Variants in IFT81 observed in about 807,000 individuals in gnomAD.
IFT81 encodes intraflagellar transport protein 81 homolog.
In IFT81, 72 loss-of-function variants were observed where a neutral mutation model predicts 102.6. The observed-to-expected ratio is 0.70, with a 90% CI of 0.58 to 0.85. IFT81 has a LOEUF of 0.85. Among genes scored for constraint, IFT81 ranks in the 40% least tolerant of loss-of-function variants. The probability of loss-of-function intolerance (pLI) is 0.00; values close to 1 mark genes in which losing one functional copy is unlikely to be tolerated. For missense variants in IFT81, 723 were observed against 787.3 expected (o/e 0.92, Z 0.98); for synonymous variants, 237 against 242.7 (o/e 0.98, Z 0.22).
At chr12:110,205,044 G>A in intron 15 of IFT81, 1 of 156,740 alleles carries the variant, frequency 6.4e-6, no homozygotes, top group Non-Finnish European at 1.4e-5. Context: ...GATCAGCCTG[G>A]CCAACCCGGT....
chr12:110,217,977 G>A (rs1222842804), intron 18 of IFT81, 67 bp from the exon 19 acceptor site: 25 of 1,113,828 alleles, frequency 2.2e-5, no homozygotes, highest in Admixed American at 7.3e-5. Flanking sequence ...ATATTCCTCC[G>A]ACTATAGCAA....
At chr12:110,153,720 C>T (rs1477921781) in intron 10 of IFT81, among the ~76,000 whole-genome samples, 6 of 150,550 alleles carry the variant, frequency 4.0e-5, no homozygotes, top group Non-Finnish European at 8.9e-5. Context: ...AAGTGATTCT[C>T]CTGCCTCAGC....
intron 18 of IFT81, among the ~76,000 whole-genome samples, chr12:110,210,818 G>A (rs945388549): frequency 1.7e-4 from 26 of 151,584 alleles, no homozygotes; most frequent in African/African-American, 6.3e-4. Context: ...AATAACAATT[G>A]GATGTTAACA....
At chr12:110,197,806 G>A (rs1167986068) in intron 14 of IFT81, among the ~76,000 whole-genome samples, 5 of 151,966 alleles carry the variant, frequency 3.3e-5, no homozygotes, top group Non-Finnish European at 7.4e-5. Flanking sequence ...TCCGCCTCCT[G>A]GGTTCAAGCA....
chr12:110,171,931 A>G (rs1164926924), intron 11 of IFT81: 2 of 152,222 alleles, frequency 1.3e-5, no homozygotes, highest in Admixed American at 6.5e-5. Context: ...CCTTGGGCCA[A>G]TTCCTGTAGT....
intron 14 of IFT81, among the ~76,000 whole-genome samples, chr12:110,195,412 T>C (rs770315327): frequency 1.3e-5 from 2 of 152,198 alleles, no homozygotes; most frequent in Non-Finnish European, 2.9e-5. Context: ...ATTGTCTTAG[T>C]GTTTGCCGTT....
intron 18 of IFT81, among the ~76,000 whole-genome samples, chr12:110,215,290 A>AT (rs1285502022): frequency 7.3e-5 from 11 of 150,818 alleles, no homozygotes; most frequent in Admixed American, 3.3e-4. Context: ...CCTCTTGGTG[A>AT]TTTTCTCACA....
chr12:110,142,828 T>C (rs1336438695), intron 8 of IFT81, among the ~76,000 whole-genome samples: 1 of 152,004 alleles, frequency 6.6e-6, no homozygotes, highest in Non-Finnish European at 1.5e-5. Context: ...ACTTGAGCTG[T>C]GAAGGTTTAG....
intron 8 of IFT81, among the ~76,000 whole-genome samples, chr12:110,138,596 C>T (rs1894658465): frequency 6.6e-6 from 1 of 152,140 alleles, no homozygotes; most frequent in Admixed American, 6.6e-5. Context: ...CCACACCCAG[C>T]TAATTTTTGT....
chr12:110,135,723 T>G (rs1894456138), intron 7 of IFT81, among the ~76,000 whole-genome samples: 1 of 151,924 alleles, frequency 6.6e-6, no homozygotes, highest in South Asian at 2.1e-4. Context: ...AAAAATTAGC[T>G]GGGCATGGTG....
chr12:110,189,401 T>C lies in IFT81; in HGVS notation c.1339-1519T>C, dbSNP rs1438953502. ...TCTCACTCTTTTGCCCAGACCGGAGTGCAGTGGTGCAGTCTCGGCTCACTG... is the reference window on the plus strand; with the variant it reads ...TCTCACTCTTTTGCCCAGACCGGAGCGCAGTGGTGCAGTCTCGGCTCACTG... On this transcript the variant is annotated intron_variant, in intron 12 of 18. Coordinates refer to ENST00000242591, the MANE Select transcript of IFT81 (RefSeq NM_014055.4). Among the ~76,000 whole-genome samples, 4 of 152,240 alleles carry C rather than the reference T, an allele frequency of 2.6e-5. No individual in the cohort carries two copies. The East Asian group carries it at 7.7e-4, about 29-fold the overall frequency.
intron 18 of IFT81, among the ~76,000 whole-genome samples, chr12:110,214,219 T>G (rs912146151): frequency 6.6e-6 from 1 of 152,088 alleles, no homozygotes; most frequent in Admixed American, 6.5e-5. Context: ...TGTATAATAT[T>G]TTAACTAGAG....
chr12:110,127,574 C>T (rs769906893), intron 2 of IFT81, 50 bp downstream of exon 2: 1 of 1,509,712 alleles, frequency 6.6e-7, no homozygotes, highest in Non-Finnish European at 8.9e-7. Context: ...CCAATTTCTC[C>T]CTCTAAATAG....
At chr12:110,139,823 A>T (rs10431371) in intron 8 of IFT81, among the ~76,000 whole-genome samples, 4 of 130,908 alleles carry the variant, frequency 3.1e-5, no homozygotes, top group Middle Eastern at 3.7e-3. Context: ...TAAAATAAAT[A>T]AAATAAAATA....
intron 11 of IFT81, among the ~76,000 whole-genome samples, chr12:110,180,147 T>C (rs1174168892): frequency 6.6e-6 from 1 of 151,850 alleles, no homozygotes; most frequent in Non-Finnish European, 1.5e-5. Flanking sequence ...CATAACTGAA[T>C]AGGCCCTGCA....
chr12:110,147,457 A>G (rs956492835), intron 10 of IFT81, among the ~76,000 whole-genome samples: 6 of 152,190 alleles, frequency 3.9e-5, no homozygotes, highest in African/African-American at 1.4e-4. Flanking sequence ...TTTTAGTGCT[A>G]AAGCATTTAT....
At position 110,124,506 on chromosome 12, in the gene IFT81, C is replaced by T. The variant is rs931997850; in HGVS notation, c.-377C>T. 6.6e-6 allele frequency: 1 copy of T among 152,178 alleles called. No individual in the cohort carries two copies. Among genetic ancestry groups the T allele is most frequent in the African/African-American group, 2.4e-5 (1 of 41,440 alleles). 9.4% of individuals were successfully genotyped at this position (152,178 alleles called of 1,614,324 possible). ...CCCCGAAATAGGAGAGAGCTCCCGT[C>T]CTCTCTCGGTCCTGATGCAGCACCT... On this transcript the variant is annotated 5_prime_UTR_variant, in exon 1 of 19. Coordinates refer to ENST00000242591, the MANE Select transcript of IFT81 (RefSeq NM_014055.4).
intron 10 of IFT81, 48 bp from the exon 11 acceptor site, chr12:110,162,867 TAGAA>T: frequency 7.0e-7 from 1 of 1,428,242 alleles, no homozygotes; most frequent in East Asian, 2.3e-5. Context: ...CACAAGATAA[TAGAA>T]AGTTGATTGT....
At chr12:110,155,469 C>T (rs1049959223) in intron 10 of IFT81, among the ~76,000 whole-genome samples, 3 of 152,080 alleles carry the variant, frequency 2.0e-5, no homozygotes. Flanking sequence ...TGCCACCATG[C>T]CCAACTAATT....
Sources: gnomAD v4.1 joint callset for allele counts (sites outside exome capture counted in the v4.1 genomes callset) on GRCh38, gnomAD v4.1.1 for gene constraint, MANE v1.5 for transcripts, NCBI Gene and HGNC (gene_info 2026-07-23, HGNC 2026-07-21) for gene names.